The following PPIP5K2 variants were observed in gnomAD, a reference collection of about 807,000 sequenced individuals.
PPIP5K2 encodes the protein diphosphoinositol pentakisphosphate kinase 2, also known as inositol hexakisphosphate and diphosphoinositol-pentakisphosphate kinase 2.
PPIP5K2 carries 105 observed loss-of-function variants against 154.6 expected under a neutral mutation model. That is an observed-to-expected ratio of 0.68 (90% CI 0.58 to 0.80). The LOEUF is 0.80. Among genes scored for constraint, PPIP5K2 ranks in the 30% least tolerant of loss-of-function variants. The probability of loss-of-function intolerance (pLI) is 0.00; values close to 1 mark genes in which losing one functional copy is unlikely to be tolerated. For missense variants in PPIP5K2, 992 were observed against 1,504.6 expected, an observed-to-expected ratio of 0.66 and a Z score of 5.64; for synonymous variants, 480 against 490.3, an observed-to-expected ratio of 0.98 and a Z score of 0.28.
chr5:103,176,861 T>G, intron 21 of PPIP5K2: 1 of 1,413,634 alleles, frequency 7.1e-7, no homozygotes, highest in Non-Finnish European at 9.6e-7. Context: ...ATTACATGTT[T>G]AAAGACCAAT....
In PPIP5K2 at chr5:103,136,790, T is replaced by C; in HGVS notation, c.369T>C (p.Asn123=). Reference sequence around the variant, plus strand: ...AACTCAGGAATCCATTTGTAATCAATGACTTGAATATGCAGTATCTCATAC... The same window carrying C: ...AACTCAGGAATCCATTTGTAATCAACGACTTGAATATGCAGTATCTCATAC... The part of the protein sequence containing the change: ...YAKLRNPFVI[N]DLNMQYLIQD... Residue 123 remains asparagine (N), a synonymous_variant, in exon 4 of 31, where the codon AAT becomes AAC. Transcript: ENST00000358359. 1 of 1,613,820 alleles carries C rather than the reference T, an allele frequency of 6.2e-7. No individual in the cohort carries two copies.
At chr5:103,181,224 T>C (rs1216540740) in intron 24 of PPIP5K2, among the ~76,000 whole-genome samples, 1 of 151,976 alleles carries the variant, frequency 6.6e-6, no homozygotes, top group African/African-American at 2.4e-5. Context: ...CTCCCAGCAC[T>C]GATTGAGGTC....
chr5:103,177,804 C>G (rs782455271), intron 22 of PPIP5K2, 30 bp downstream of exon 22: 1 of 1,589,128 alleles, frequency 6.3e-7, no homozygotes, highest in South Asian at 1.1e-5. Flanking sequence ...TGTGTTTTAC[C>G]AGACATAAAT....
chr5:103,158,157 C>T (rs1478869365), intron 14 of PPIP5K2, 31 bp from the exon 15 acceptor site: 2 of 1,600,580 alleles, frequency 1.2e-6, no homozygotes, highest in African/African-American at 1.3e-5. Context: ...ATAAACTTAA[C>T]ATTTGTTTTA....
At chr5:103,136,901 A>G in intron 4 of PPIP5K2, 79 bp downstream of exon 4, 1 of 1,004,598 alleles carries the variant, frequency 1.0e-6, no homozygotes, top group Non-Finnish European at 1.6e-6. Flanking sequence ...ACATGGCATC[A>G]GGTGTTTTTG....
intron 17 of PPIP5K2, among the ~76,000 whole-genome samples, chr5:103,161,570 C>A: frequency 6.6e-6 from 1 of 152,094 alleles, no homozygotes; most frequent in Non-Finnish European, 1.5e-5. Flanking sequence ...GTTTACAGTC[C>A]CACCAACAGT....
intron 24 of PPIP5K2, 67 bp downstream of exon 24, chr5:103,180,255 G>T: frequency 6.8e-6 from 9 of 1,315,762 alleles, no homozygotes; most frequent in Non-Finnish European, 9.0e-6. Flanking sequence ...AAACAGAAAA[G>T]AAAATACAGC....
Position 103,154,729 on chromosome 5 carries a change from A to G in PPIP5K2, c.1277A>G (p.Lys426Arg). The change falls in exon 12 of 31, where the codon AAA (lysine) becomes AGA (arginine). Residue 426 changes from lysine to arginine, a missense_variant. This residue lies in a region of PPIP5K2 where 163 missense variants were observed against 285.2 expected (regional missense o/e 0.57). Coordinates refer to ENST00000358359, the MANE Select transcript of PPIP5K2 (RefSeq NM_001276277.3). Reference protein sequence around the residue: ...GYKSGKLKLKKPKQLQEVLDI... With the variant: ...GYKSGKLKLKRPKQLQEVLDI... ...AAATCAGGGAAATTAAAACTCAAAA[A>G]ACCAAAACAGTTACAGGCAAGTGTA... is the stretch of plus-strand genomic sequence containing the variant. 6.3e-7 allele frequency: 1 copy of G among 1,588,060 alleles called. No homozygotes were observed. Among genetic ancestry groups the G allele is most frequent in the Non-Finnish European group, 8.6e-7 (1 of 1,165,822 alleles).
In PPIP5K2 at chr5:103,211,984, C is replaced by T. The variant is rs1386176420; in HGVS notation, c.*10350C>T. On this transcript the variant is annotated 3_prime_UTR_variant, in exon 31 of 31. Coordinates refer to ENST00000358359, the MANE Select transcript of PPIP5K2 (RefSeq NM_001276277.3). ...TCAACGGCTAAATCAAGCTTAAAGT[C>T]TTCCTGTCCAAGGGATATGAAAGGT... 1 of 152,088 alleles carries T rather than the reference C, an allele frequency of 6.6e-6. No homozygotes were observed. The highest frequency in any genetic ancestry group is 1.9e-4 in the East Asian group (1 of 5,198). The allele number at this position is 152,088 out of a possible 1,614,324, so 9.4% of individuals were successfully genotyped here.
chr5:103,132,337 C>T (rs782268054), intron 2 of PPIP5K2, among the ~76,000 whole-genome samples: 12 of 151,992 alleles, frequency 7.9e-5, no homozygotes, highest in South Asian at 4.2e-4. Flanking sequence ...GTCAGGAGAT[C>T]GAGACCATCC....
At chr5:103,154,029 A>T (rs1580206117) in intron 11 of PPIP5K2, 95 bp downstream of exon 11, 1 of 834,086 alleles carries the variant, frequency 1.2e-6, no homozygotes. Context: ...ATATAGAAAA[A>T]CTTTTATCTA....
intron 14 of PPIP5K2, among the ~76,000 whole-genome samples, chr5:103,156,762 G>A (rs1236201972): frequency 1.3e-5 from 2 of 152,110 alleles, no homozygotes; most frequent in African/African-American, 4.8e-5. Flanking sequence ...ATGTACTTAT[G>A]CTTTGACCTG....
chr5:103,168,656 A>T (rs192238444), intron 19 of PPIP5K2, among the ~76,000 whole-genome samples: 28 of 151,900 alleles, frequency 1.8e-4, no homozygotes, highest in African/African-American at 6.8e-4. Context: ...TGCATTTGTT[A>T]TAACTGATGA....
At position 103,209,665 on chromosome 5, in the gene PPIP5K2, G is replaced by GT. The variant is rs1335506631; in HGVS notation, c.*8037dup. On this transcript the variant is annotated 3_prime_UTR_variant, in exon 31 of 31. Transcript: ENST00000358359. ...GGAAAAATGAATATGCCTTCAGAAAGTTTTTTGCTGCTTTTAAAAGCCATA... is the reference window on the plus strand; with the variant it reads ...GGAAAAATGAATATGCCTTCAGAAAGTTTTTTTGCTGCTTTTAAAAGCCATA... The GT allele has an allele frequency of 2.0e-5, 3 of 152,210 alleles. No homozygotes were observed. The East Asian group carries it at 5.8e-4, about 29-fold the overall frequency. 9.4% of individuals were successfully genotyped at this position (152,210 alleles called of 1,614,324 possible).
At chr5:103,128,563 A>C (rs1288234614) in intron 1 of PPIP5K2, among the ~76,000 whole-genome samples, 1 of 152,110 alleles carries the variant, frequency 6.6e-6, no homozygotes, top group African/African-American at 2.4e-5. Flanking sequence ...TGAGCCAATG[A>C]GTCCAGCTAT....
chr5:103,149,050 C>A, intron 7 of PPIP5K2, 102 bp from the exon 8 acceptor site: 1 of 964,000 alleles, frequency 1.0e-6, no homozygotes, highest in East Asian at 3.0e-5. Flanking sequence ...GGATTCTGAA[C>A]TATTTTTTAG....
rs116510578 is a variant in PPIP5K2, at chr5:103,153,262, C to T, written c.1130+513C>T. Among the ~76,000 whole-genome samples, 772 of 151,732 alleles carry T rather than the reference C, an allele frequency of 5.1e-3. 3 individuals are homozygous for T. The highest frequency in any genetic ancestry group is 7.5e-3 in the Non-Finnish European group (510 of 67,712). On this transcript the variant is annotated intron_variant, in intron 10 of 30. Transcript: ENST00000358359. The stretch of plus-strand genomic sequence containing the variant: ...CAGCATTTTTCATACTGATTTAACA[C>T]GCAAGTGTTAAATAAAATTTTTTTC...
rs149179261 is a variant in PPIP5K2 at position 103,144,679 on chromosome 5, T to C, written c.488-1848T>C. Among the ~76,000 whole-genome samples, 132 of 152,304 alleles carry C rather than the reference T, an allele frequency of 8.7e-4. 1 individual carries two copies. The highest frequency in any genetic ancestry group is 3.1e-3 in the African/African-American group (129 of 41,588). On this transcript the variant is annotated intron_variant, in intron 5 of 30. Coordinates refer to ENST00000358359, the MANE Select transcript of PPIP5K2 (RefSeq NM_001276277.3). ...AGAATGTCCACTGGGGATAGGACAG[T>C]GTCTTCAGTAAGTAGTGTTGGGAAA...
At position 103,201,831 on chromosome 5, in the gene PPIP5K2, T is replaced by TA. The variant is rs1803070825; in HGVS notation, c.*198dup. On this transcript the variant is annotated 3_prime_UTR_variant, in exon 31 of 31. Coordinates refer to ENST00000358359, the MANE Select transcript of PPIP5K2 (RefSeq NM_001276277.3). Reference sequence around the variant, plus strand: ...TTAGCATTCTGTGAGCAGCAAAACTTATAGTGATAAAAATCGATTGTTGTT... The same window carrying TA: ...TTAGCATTCTGTGAGCAGCAAAACTTAATAGTGATAAAAATCGATTGTTGTT... The TA allele has an allele frequency of 5.7e-6, 3 of 525,300 alleles. No homozygotes were observed. Among genetic ancestry groups the TA allele is most frequent in the Admixed American group, 3.7e-5 (1 of 26,718 alleles). The allele number at this position is 525,300 out of a possible 1,614,324, so 32.5% of individuals were successfully genotyped here. A position where few individuals can be genotyped will look rare whatever the true frequency, so the allele number is the denominator to read the frequency against.
Sources: allele counts gnomAD v4.1 joint callset (sites outside exome capture counted in the v4.1 genomes callset), GRCh38; gene constraint gnomAD v4.1.1; regional missense constraint gnomAD v4.1.1; transcripts MANE v1.5; gene names NCBI Gene and HGNC (gene_info 2026-07-23, HGNC 2026-07-21).